Variants in SRGAP3 observed in about 807,000 individuals in gnomAD.
SRGAP3 encodes SLIT-ROBO Rho GTPase-activating protein 3.
SRGAP3 carries 39 observed loss-of-function variants against 121.1 expected under a neutral mutation model. The ratio of observed to expected loss-of-function variants is 0.32; its 90% CI spans 0.25 to 0.42. The LOEUF is 0.42. Among genes scored for constraint, SRGAP3 ranks in the 10% least tolerant of loss-of-function variants. The probability of loss-of-function intolerance (pLI) is 1.00; values close to 1 mark genes in which losing one functional copy is unlikely to be tolerated. For synonymous variants in SRGAP3, 601 were observed against 570.0 expected, an observed-to-expected ratio of 1.05 and a Z score of -0.77; for missense variants, 1,213 against 1,470.6, an observed-to-expected ratio of 0.82 and a Z score of 2.86.
chr3:9,247,779 G>C (rs1019154589), intron 1 of SRGAP3, among the ~76,000 whole-genome samples: 1 of 152,220 alleles, frequency 6.6e-6, no homozygotes, highest in Non-Finnish European at 1.5e-5. Flanking sequence ...CACACCCTGT[G>C]TCGCAGCAAG....
intron 4 of SRGAP3, among the ~76,000 whole-genome samples, chr3:9,066,218 C>T (rs546614411): frequency 6.6e-6 from 1 of 152,320 alleles, no homozygotes; most frequent in East Asian, 1.9e-4. Flanking sequence ...CAGAAATGTA[C>T]TTTTCTTCTG....
intron 17 of SRGAP3, among the ~76,000 whole-genome samples, chr3:9,012,154 G>C (rs1301528963): frequency 2.0e-5 from 3 of 152,188 alleles, no homozygotes; most frequent in African/African-American, 4.8e-5. Context: ...TTCTATGCAG[G>C]GAGGCATGTG....
chr3:9,122,561 T>C (rs1341849125), intron 2 of SRGAP3, among the ~76,000 whole-genome samples: 1 of 151,902 alleles, frequency 6.6e-6, no homozygotes, highest in East Asian at 1.9e-4. Context: ...TACAAAAAAT[T>C]AGCTGGGCAT....
chr3:9,090,387 T>C (rs1478780448), intron 3 of SRGAP3, among the ~76,000 whole-genome samples: 1 of 147,284 alleles, frequency 6.8e-6, no homozygotes, highest in East Asian at 2.0e-4. Context: ...TGGTCACCCA[T>C]AACCCTTATT....
intron 1 of SRGAP3, among the ~76,000 whole-genome samples, chr3:9,155,359 A>G (rs530768199): frequency 6.6e-6 from 1 of 152,298 alleles, no homozygotes; most frequent in South Asian, 2.1e-4. Flanking sequence ...TTGAAGTTGC[A>G]CTACAATCTG....
chr3:9,035,418 T>G (rs777087668), intron 11 of SRGAP3: 5 of 173,330 alleles, frequency 2.9e-5, no homozygotes, highest in Non-Finnish European at 5.0e-5. Context: ...TTTCTTTGTG[T>G]GGTGCTCTGT....
intron 1 of SRGAP3, among the ~76,000 whole-genome samples, chr3:9,361,904 C>G (rs899688331): frequency 1.1e-4 from 16 of 152,100 alleles, no homozygotes; most frequent in Admixed American, 6.6e-4. Context: ...AAAACTCTAC[C>G]CTTGGATCAT....
chr3:9,226,714 C>T (rs1390911260), intron 1 of SRGAP3, among the ~76,000 whole-genome samples: 1 of 152,196 alleles, frequency 6.6e-6, no homozygotes, highest in Non-Finnish European at 1.5e-5. Context: ...ACTTTTTCCT[C>T]ATTAAATTTC....
intron 14 of SRGAP3, among the ~76,000 whole-genome samples, chr3:9,017,011 C>A (rs1388009612): frequency 6.6e-6 from 1 of 152,148 alleles, no homozygotes; most frequent in Non-Finnish European, 1.5e-5. Context: ...CTCCATTGAG[C>A]ACTTCCTTGT....
rs535310884 is a variant in SRGAP3 at position 8,992,251 on chromosome 3, G to T, written c.2558+655C>A. On this transcript the variant is annotated intron_variant, in intron 20 of 21. Transcript: ENST00000383836. Reference sequence around the variant, plus strand: ...TTTTGAGAGTGTGACTAAAAAGGCAGTGAGAAACTGTCAGCTTTTCTTTTC... The same window carrying T: ...TTTTGAGAGTGTGACTAAAAAGGCATTGAGAAACTGTCAGCTTTTCTTTTC... Among the ~76,000 whole-genome samples, 26 of 152,320 alleles carry T rather than the reference G, an allele frequency of 1.7e-4. No homozygotes were observed. In the South Asian group the frequency reaches 5.4e-3, roughly 32 times the overall value.
chr3:9,069,821 C>A (rs1946614110), intron 4 of SRGAP3, among the ~76,000 whole-genome samples: 1 of 152,150 alleles, frequency 6.6e-6, no homozygotes, highest in East Asian at 1.9e-4. Flanking sequence ...GTGGTGGGCC[C>A]CTGTACTCCT....
chr3:9,331,725 C>G (rs1247964631), intron 1 of SRGAP3, among the ~76,000 whole-genome samples: 1 of 152,150 alleles, frequency 6.6e-6, no homozygotes, highest in Non-Finnish European at 1.5e-5. Flanking sequence ...AGATTTCACT[C>G]TCATATTCTC....
intron 14 of SRGAP3, among the ~76,000 whole-genome samples, chr3:9,020,116 A>G (rs1341690886): frequency 6.6e-6 from 1 of 152,150 alleles, no homozygotes; most frequent in East Asian, 1.9e-4. Context: ...CTGGCAGATG[A>G]AGCAGTGTGC....
chr3:8,981,037 A>G lies in SRGAP3; in HGVS notation c.*4482T>C, dbSNP rs1941392187. ...ATTGGCCGGGGACAACTCACACAGAAAGGAGGTGTCAACAAGGGGCAGCGA... is the reference window on the plus strand; with the variant it reads ...ATTGGCCGGGGACAACTCACACAGAGAGGAGGTGTCAACAAGGGGCAGCGA... On this transcript the variant is annotated 3_prime_UTR_variant, in exon 22 of 22. Coordinates refer to ENST00000383836, the MANE Select transcript of SRGAP3 (RefSeq NM_014850.4). 1 of 232,962 alleles carries G rather than the reference A, an allele frequency of 4.3e-6. No homozygotes were observed. The highest frequency in any genetic ancestry group is 5.6e-5 in the Admixed American group (1 of 17,758). 14.4% of individuals were successfully genotyped at this position (232,962 alleles called of 1,614,324 possible).
At chr3:9,008,772 C>T (rs375698547) in intron 18 of SRGAP3, among the ~76,000 whole-genome samples, 9 of 152,060 alleles carry the variant, frequency 5.9e-5, no homozygotes, top group African/African-American at 1.9e-4. Flanking sequence ...TCCTGTGACC[C>T]GGGTCTGACC....
intron 18 of SRGAP3, among the ~76,000 whole-genome samples, chr3:9,005,293 T>C (rs1943007196): frequency 2.0e-5 from 3 of 152,190 alleles, no homozygotes; most frequent in Admixed American, 6.5e-5. Flanking sequence ...CTAGCAAGGA[T>C]ATGGATAAAT....
rs1159350769 is a variant in SRGAP3, at chr3:9,109,799, T to G, written c.261-4957A>C. On this transcript the variant is annotated intron_variant, in intron 2 of 21. Transcript: ENST00000383836. This position sits in a 1 kb window ranked among gnomAD's most constrained non-coding sequence, Gnocchi z 4.4. ...TGAGAACTAAAAGCCGGACTGGAGT[T>G]TCACAGGGAGGAGCCTTCAAAGGGG... Among the ~76,000 whole-genome samples, 1 of 151,986 alleles carries G rather than the reference T, an allele frequency of 6.6e-6. No individual in the cohort carries two copies. The highest frequency in any genetic ancestry group is 1.5e-5 in the Non-Finnish European group (1 of 67,998).
At chr3:9,038,119 A>C (rs775210153) in intron 10 of SRGAP3, 29 bp from the exon 11 acceptor site, 1 of 1,614,012 alleles carries the variant, frequency 6.2e-7, no homozygotes, top group Non-Finnish European at 8.5e-7. Flanking sequence ...ATGAATGTTT[A>C]ATTGCCTTTT....
intron 12 of SRGAP3, chr3:9,028,093 T>C: frequency 6.2e-7 from 1 of 1,614,114 alleles, no homozygotes; most frequent in Non-Finnish European, 8.5e-7. Flanking sequence ...GCCTTTCTAG[T>C]AAATACCTGG....
Sources: allele counts gnomAD v4.1 joint callset (sites outside exome capture counted in the v4.1 genomes callset), GRCh38; gene constraint gnomAD v4.1.1; non-coding constraint Gnocchi (gnomAD v3.1); transcripts MANE v1.5; gene names NCBI Gene and HGNC (gene_info 2026-07-23, HGNC 2026-07-21).